The following TCF4 variants were observed in gnomAD, a reference collection of about 807,000 sequenced individuals.
The protein encoded by TCF4 is SL3-3 enhancer factor 2.
TCF4 carries 3 observed loss-of-function variants against 82.1 expected under a neutral mutation model. The observed-to-expected ratio is 0.04, with a 90% CI of 0.02 to 0.09. The LOEUF (loss-of-function observed/expected upper bound fraction) is 0.09, where lower values mean the gene tolerates loss of function less well. Among genes scored for constraint, TCF4 ranks in the 10% least tolerant of loss-of-function variants. The probability of loss-of-function intolerance (pLI) is 1.00; values close to 1 mark genes in which losing one functional copy is unlikely to be tolerated. For synonymous variants in TCF4, 276 were observed against 309.6 expected, an observed-to-expected ratio of 0.89 and a Z score of 1.14; for missense variants, 518 against 852.7, an observed-to-expected ratio of 0.61 and a Z score of 4.89.
At chr18:55,360,721 G>A (rs966169871) in intron 6 of TCF4, among the ~76,000 whole-genome samples, 3 of 52,404 alleles carry the variant, frequency 5.7e-5, no homozygotes, top group South Asian at 1.2e-3. Flanking sequence ...TAATTTGCCC[G>A]CCCCCCACCC....
At chr18:55,228,736 T>A in intron 18 of TCF4, 111 bp downstream of exon 18, 1 of 1,112,730 alleles carries the variant, frequency 9.0e-7, no homozygotes. Flanking sequence ...TTCTTTGGAA[T>A]GATGCTTGAA....
At position 55,234,795 on chromosome 18, in the gene TCF4, A is replaced by G. The variant is rs180938584; in HGVS notation, c.1351-112T>C. The G allele has an allele frequency of 3.3e-6, 5 of 1,526,368 alleles. No homozygotes were observed. The East Asian group carries it at 1.1e-4, about 35-fold the overall frequency. 94.6% of individuals were successfully genotyped at this position (1,526,368 alleles called of 1,614,324 possible). ...TGGCTTTTCAAAAACCATACTCCCA[A>G]ACGCGTTTCACTAGAGGGCGCTGAA... On this transcript the variant is annotated intron_variant, in intron 15 of 19. Coordinates refer to ENST00000354452, the MANE Select transcript of TCF4 (RefSeq NM_001083962.2).
chr18:55,618,540 C>G (rs1159293074), intron 2 of TCF4, among the ~76,000 whole-genome samples: 1 of 151,614 alleles, frequency 6.6e-6, no homozygotes, highest in East Asian at 1.9e-4. Flanking sequence ...AACATCAACT[C>G]AATTTCATTG....
chr18:55,384,312 G>A (rs1448793508), intron 6 of TCF4: 1 of 152,192 alleles, frequency 6.6e-6, no homozygotes, highest in Non-Finnish European at 1.5e-5. Flanking sequence ...GAGCGGCAGT[G>A]GAGGTGACAA....
At chr18:55,606,954 A>T (rs187179458) in intron 2 of TCF4, among the ~76,000 whole-genome samples, 2 of 152,252 alleles carry the variant, frequency 1.3e-5, no homozygotes, top group East Asian at 3.9e-4. Flanking sequence ...CTCCCTAGAA[A>T]TGCTGATGGG....
chr18:55,587,761 G>A (rs2097664969), intron 1 of TCF4, among the ~76,000 whole-genome samples: 1 of 149,680 alleles, frequency 6.7e-6, no homozygotes, highest in Admixed American at 6.6e-5. Context: ...TAATTGTCCA[G>A]CACCCTAATT....
In TCF4 at chr18:55,270,043, ACT is replaced by A. The variant is rs1002452618; in HGVS notation, c.790-82_790-81del. ...GTTATTTTCAAATACTTTTCTCACAACTCTCTATTTTACAATGGAGACAGCTT... is the reference window on the plus strand; with the variant it reads ...GTTATTTTCAAATACTTTTCTCACAACTCTATTTTACAATGGAGACAGCTT... On this transcript the variant is annotated intron_variant, in intron 10 of 19. Transcript: ENST00000354452. The A allele has an allele frequency of 3.2e-6, 5 of 1,567,134 alleles. No individual in the cohort carries two copies. In the African/African-American group the frequency reaches 4.1e-5, roughly 13 times the overall value.
chr18:55,283,495 G>A (rs1373731413), intron 8 of TCF4, among the ~76,000 whole-genome samples: 1 of 152,084 alleles, frequency 6.6e-6, no homozygotes, highest in East Asian at 1.9e-4. Flanking sequence ...GCCTCTTGTG[G>A]AACCACTTTG....
intron 1 of TCF4, among the ~76,000 whole-genome samples, chr18:55,631,716 G>A (rs999431744): frequency 6.6e-6 from 1 of 152,174 alleles, no homozygotes; most frequent in African/African-American, 2.4e-5. Flanking sequence ...AGTGCCTTAG[G>A]AATGATGTTT....
At chr18:55,584,862 A>G (rs920203981) in intron 3 of TCF4, among the ~76,000 whole-genome samples, 1 of 152,196 alleles carries the variant, frequency 6.6e-6, no homozygotes, top group African/African-American at 2.4e-5. Context: ...ATTTCTTTAA[A>G]AGGGTTAATT....
chr18:55,585,409 T>C, intron 2 of TCF4, 57 bp from the exon 3 acceptor site: 1 of 1,457,808 alleles, frequency 6.9e-7, no homozygotes, highest in Non-Finnish European at 9.6e-7. Context: ...CCTTCAGAGC[T>C]CCTCAAAGAT....
intron 6 of TCF4, among the ~76,000 whole-genome samples, chr18:55,398,212 G>A (rs1206052509): frequency 6.6e-6 from 1 of 152,086 alleles, no homozygotes; most frequent in Admixed American, 6.6e-5. Context: ...TTGAAAGAAG[G>A]GTATATACCC....
intron 3 of TCF4, among the ~76,000 whole-genome samples, chr18:55,474,826 G>A (rs1403965476): frequency 6.6e-6 from 1 of 152,028 alleles, no homozygotes; most frequent in Non-Finnish European, 1.5e-5. Flanking sequence ...ACAGGCTGGA[G>A]TCCAGTGGCA....
chr18:55,357,864 TA>T (rs770843028), intron 6 of TCF4, among the ~76,000 whole-genome samples: 3 of 152,320 alleles, frequency 2.0e-5, no homozygotes, highest in Non-Finnish European at 4.4e-5. Flanking sequence ...AGTGTCCCGC[TA>T]ACAATCTGAA....
At chr18:55,481,032 A>G (rs1376104324) in intron 3 of TCF4, among the ~76,000 whole-genome samples, 1 of 146,510 alleles carries the variant, frequency 6.8e-6, no homozygotes, top group African/African-American at 2.5e-5. Context: ...TGAACATGGA[A>G]GGCGGAGGCT....
intron 2 of TCF4, among the ~76,000 whole-genome samples, chr18:55,622,368 G>A (rs1286430052): frequency 2.6e-5 from 4 of 151,604 alleles, no homozygotes; most frequent in East Asian, 1.9e-4. Flanking sequence ...TTAGCTGGGC[G>A]TGGTGGTGTA....
chr18:55,228,077 C>CTTT, intron 19 of TCF4, 47 bp from the exon 20 acceptor site: 1 of 1,046,072 alleles, frequency 9.6e-7, no homozygotes, highest in South Asian at 1.5e-5. Context: ...ATATTTGTAA[C>CTTT]AGAAAAAGTA....
intron 3 of TCF4, among the ~76,000 whole-genome samples, chr18:55,538,024 G>GCACACACACA (rs201229643): frequency 2.4e-5 from 3 of 125,710 alleles, no homozygotes; most frequent in African/African-American, 9.4e-5. Flanking sequence ...GTCTGCGCGC[G>GCACACACACA]CGCACACACA....
At chr18:55,307,575 C>T (rs144045320) in intron 8 of TCF4, among the ~76,000 whole-genome samples, 40 of 152,224 alleles carry the variant, frequency 2.6e-4, no homozygotes, top group Admixed American at 3.3e-4. Context: ...ATCATTCTGC[C>T]GGTACTCATT....
Sources: gnomAD v4.1 joint callset for allele counts (sites outside exome capture counted in the v4.1 genomes callset) on GRCh38, gnomAD v4.1.1 for gene constraint, MANE v1.5 for transcripts, NCBI Gene and HGNC (gene_info 2026-07-23, HGNC 2026-07-21) for gene names.